The following LAMA4 variants were observed in gnomAD, a reference collection of about 807,000 sequenced individuals.
LAMA4 encodes the protein laminin subunit alpha 4, also known as laminin subunit alpha-4.
LAMA4 carries 127 observed loss-of-function variants against 207.1 expected under a neutral mutation model. The observed-to-expected ratio is 0.61, with a 90% confidence interval of 0.53 to 0.71. LAMA4 has a LOEUF of 0.71. Among genes scored for constraint, LAMA4 ranks in the 30% least tolerant of loss-of-function variants. LAMA4 has a pLI of 0.00. For synonymous variants in LAMA4, 761 were observed against 816.0 expected, an observed-to-expected ratio of 0.93 and a Z score of 1.15; for missense variants, 2,093 against 2,246.5, an observed-to-expected ratio of 0.93 and a Z score of 1.38.
chr6:112,172,683 G>A lies in LAMA4; in HGVS notation c.1479C>T (p.Asp493=). The change falls in exon 12 of 39, where the codon GAC becomes GAT. Residue 493 remains aspartate, a synonymous_variant. Transcript: ENST00000230538. ...CATCCCTGACATAGTTAAGGGCCTGGTCAAGTGCTTCCTGGAGATCTGACA... is the reference window on the plus strand; with the variant it reads ...CATCCCTGACATAGTTAAGGGCCTGATCAAGTGCTTCCTGGAGATCTGACA... ...AKLSDLQEAL[D]QALNYVRDAE... is the part of the protein sequence containing the mutation. 8 of 1,613,908 alleles carry A rather than the reference G, an allele frequency of 5.0e-6. No homozygotes were observed. Among genetic ancestry groups the A allele is most frequent in the Non-Finnish European group, 6.8e-6 (8 of 1,179,984 alleles).
intron 10 of LAMA4, 75 bp from the exon 11 acceptor site, chr6:112,175,555 C>A: frequency 6.8e-7 from 1 of 1,471,248 alleles, no homozygotes; most frequent in Non-Finnish European, 9.5e-7. Flanking sequence ...GGAGCAAGGG[C>A]TGTGGGCAAA....
intron 24 of LAMA4, among the ~76,000 whole-genome samples, chr6:112,138,166 C>T (rs1381357092): frequency 6.6e-6 from 1 of 151,924 alleles, no homozygotes; most frequent in African/African-American, 2.4e-5. Context: ...AGCTTTGAAC[C>T]CTTTTATTAA....
chr6:112,133,213 G>C, intron 27 of LAMA4, 136 bp downstream of exon 27: 1 of 965,382 alleles, frequency 1.0e-6, no homozygotes, highest in Non-Finnish European at 1.7e-6. Flanking sequence ...TAGCTTAATG[G>C]TTCTTCTTTC....
At chr6:112,161,080 C>A (rs1781026851) in intron 13 of LAMA4, among the ~76,000 whole-genome samples, 1 of 152,208 alleles carries the variant, frequency 6.6e-6, no homozygotes, top group African/African-American at 2.4e-5. Context: ...CTTACCTCTG[C>A]AAATATTTTC....
intron 31 of LAMA4, among the ~76,000 whole-genome samples, chr6:112,128,449 G>A (rs1307819944): frequency 6.6e-6 from 1 of 152,128 alleles, no homozygotes; most frequent in Admixed American, 6.6e-5. Context: ...AGGAGGATAG[G>A]CTGAGGTTGG....
chr6:112,221,575 TTGATGAATCCACTTTTCTCTTGTTTCC>T (rs1784926635), intron 2 of LAMA4, among the ~76,000 whole-genome samples: 1 of 152,234 alleles, frequency 6.6e-6, no homozygotes, highest in Non-Finnish European at 1.5e-5. Flanking sequence ...TTGTATGTAT[TTGATGAATCCACTTTTCTCTTGTTTCC>T]AGACAACAAT....
intron 8 of LAMA4, among the ~76,000 whole-genome samples, chr6:112,186,403 G>C (rs1454526389): frequency 6.6e-6 from 1 of 152,154 alleles, no homozygotes; most frequent in African/African-American, 2.4e-5. Context: ...ACAATGTGCT[G>C]GTATTGAATT....
chr6:112,204,589 G>T (rs1175916169), intron 4 of LAMA4, among the ~76,000 whole-genome samples: 13 of 152,096 alleles, frequency 8.5e-5, no homozygotes, highest in Admixed American at 8.5e-4. Context: ...GAAGTTGGAG[G>T]TAATATATTT....
In LAMA4 at chr6:112,108,927, ATTC is replaced by A. The variant is rs1216872364; in HGVS notation, c.*507_*509del. The A allele has an allele frequency of 1.3e-5, 2 of 154,258 alleles. No homozygotes were observed. Among genetic ancestry groups the A allele is most frequent in the African/African-American group, 4.8e-5 (2 of 41,458 alleles). 9.6% of individuals were successfully genotyped at this position (154,258 alleles called of 1,614,324 possible). A position where few individuals can be genotyped will look rare whatever the true frequency, so the allele number is the denominator to read the frequency against. ...ATAACTTCAGCTATAAACCTAAAAT[ATTC>A]TTCTTATACTGATAGACCAAACAAA... On this transcript the variant is annotated 3_prime_UTR_variant, in exon 39 of 39. Transcript: ENST00000230538.
chr6:112,133,599 A>G, intron 26 of LAMA4, 112 bp from the exon 27 acceptor site: 8 of 1,269,590 alleles, frequency 6.3e-6, no homozygotes, highest in Non-Finnish European at 9.1e-6. Flanking sequence ...CTTTATAATC[A>G]TTCATATTCT....
At chr6:112,148,077 C>A in intron 18 of LAMA4, 80 bp downstream of exon 18, 1 of 1,400,434 alleles carries the variant, frequency 7.1e-7, no homozygotes, top group Admixed American at 1.7e-5. Flanking sequence ...ATGAAGAAAA[C>A]TGTTTTTTGA....
Position 112,187,142 on chromosome 6 carries a change from G to A in LAMA4, c.966+308C>T, listed in dbSNP as rs117112795. Among the ~76,000 whole-genome samples the A allele has an allele frequency of 0.018, 2,803 of 152,304 alleles. 43 individuals are homozygous for A. Among genetic ancestry groups the A allele is most frequent in the Middle Eastern group, 0.058 (17 of 294 alleles). ...ACTTAAACAAGTAATGTATGGCTGC[G>A]CCAAGGAAATAAGTGTTTCTCTTTC... On this transcript the variant is annotated intron_variant, in intron 8 of 38. Coordinates refer to ENST00000230538, the MANE Select transcript of LAMA4 (RefSeq NM_001105206.3).
Position 112,178,216 on chromosome 6 carries a change from C to T in LAMA4, c.1094G>A (p.Arg365Lys), listed in dbSNP as rs1782136444. The change falls in exon 10 of 39, where the codon AGA becomes AAA. Residue 365 changes from arginine (R) to lysine (K), a missense_variant. Physicochemically the swap from Arg to Lys is conservative, Grantham distance 26 (BLOSUM62 2). Around this residue, in one of 3 missense-constraint regions of LAMA4, gnomAD observed 1,704 missense variants for 1,788.4 expected, o/e 0.95. Transcript: ENST00000230538. ...TTCCTTCTGAACAAGTTGTCCTTTT[C>T]TGGAGGCTTGATTTTCCTACAAATA... ...ELVEKENQAS[R>K]KGQLVQKESM... is the part of the protein sequence containing the mutation. The T allele has an allele frequency of 6.2e-7, 1 of 1,613,382 alleles. No individual in the cohort carries two copies. Among genetic ancestry groups the T allele is most frequent in the Admixed American group, 1.7e-5 (1 of 59,984 alleles).
chr6:112,162,480 AT>A (rs1333505138), intron 13 of LAMA4, among the ~76,000 whole-genome samples: 12 of 152,164 alleles, frequency 7.9e-5, no homozygotes, highest in East Asian at 1.9e-4. Context: ...CTCAAAAAAA[AT>A]AACAATAAAA....
chr6:112,188,530 G>T (rs1554347476), intron 7 of LAMA4, among the ~76,000 whole-genome samples: 2 of 152,124 alleles, frequency 1.3e-5, no homozygotes, highest in East Asian at 1.9e-4. Context: ...TTTGGGGGAG[G>T]GGATGCCTAC....
chr6:112,143,395 G>T (rs369837054), intron 19 of LAMA4, among the ~76,000 whole-genome samples: 1 of 149,708 alleles, frequency 6.7e-6, no homozygotes, highest in Admixed American at 6.7e-5. Flanking sequence ...AACAATGCTC[G>T]TGCCTCAGCC....
intron 31 of LAMA4, among the ~76,000 whole-genome samples, chr6:112,126,759 A>G (rs1191147300): frequency 3.9e-5 from 6 of 152,240 alleles, no homozygotes; most frequent in Admixed American, 2.6e-4. Context: ...CAACCTCACT[A>G]GCATTCAAAG....
intron 2 of LAMA4, among the ~76,000 whole-genome samples, chr6:112,249,850 A>G (rs782346112): frequency 6.6e-6 from 1 of 152,242 alleles, no homozygotes; most frequent in Non-Finnish European, 1.5e-5. Context: ...TTTGGCAAGT[A>G]AGTTTTGTGC....
intron 29 of LAMA4, 158 bp from the exon 30 acceptor site, chr6:112,130,198 A>C (rs1414522914): frequency 1.5e-6 from 1 of 649,186 alleles, no homozygotes; most frequent in African/African-American, 1.8e-5. Context: ...CCCAGGATAA[A>C]ATGGTTGGAT....
Sources: gnomAD v4.1 joint callset for allele counts (sites outside exome capture counted in the v4.1 genomes callset) on GRCh38, gnomAD v4.1.1 for gene constraint, gnomAD v4.1.1 regional missense constraint, MANE v1.5 for transcripts, NCBI Gene and HGNC (gene_info 2026-07-23, HGNC 2026-07-21) for gene names.